The following CLVS2 variants were observed in gnomAD, a reference collection of about 807,000 sequenced individuals.
CLVS2 encodes the protein clavesin-2.
A neutral mutation model predicts 29.0 loss-of-function variants in CLVS2; 19 were observed. The ratio of observed to expected loss-of-function variants is 0.66; its 90% CI spans 0.46 to 0.96. The LOEUF is 0.96. Among genes scored for constraint, CLVS2 ranks in the 40% least tolerant of loss-of-function variants. The probability of loss-of-function intolerance (pLI) is 0.00; values close to 1 mark genes in which losing one functional copy is unlikely to be tolerated. For missense variants in CLVS2, 294 were observed against 404.1 expected, an observed-to-expected ratio of 0.73 and a Z score of 2.34; for synonymous variants, 161 against 151.3, an observed-to-expected ratio of 1.06 and a Z score of -0.47.
intron 1 of CLVS2, among the ~76,000 whole-genome samples, 197 bp downstream of exon 1, chr6:122,996,943 T>A (rs1344920132): frequency 6.9e-6 from 1 of 144,226 alleles, no homozygotes; most frequent in Non-Finnish European, 1.5e-5. Context: ...AATGAAGGGC[T>A]AGAGGAAGGC....
At position 123,024,869 on chromosome 6, in the gene CLVS2, C is replaced by T. The variant is rs1774978393; in HGVS notation, c.564+13710C>T. On this transcript the variant is annotated intron_variant, in intron 3 of 5. Coordinates refer to ENST00000275162, the MANE Select transcript of CLVS2 (RefSeq NM_001010852.4). ...GGAAGCTTTGGATATAATTATTAAG[C>T]CATGTGTTCCTAGGAGAAATATAAA... is the stretch of plus-strand genomic sequence containing the variant. Among the ~76,000 whole-genome samples, 4 of 152,060 alleles carry T rather than the reference C, an allele frequency of 2.6e-5. No individual in the cohort carries two copies. The South Asian group carries it at 8.3e-4, about 32-fold the overall frequency.
At chr6:123,020,789 AATTAT>A (rs768064034) in intron 3 of CLVS2, among the ~76,000 whole-genome samples, 8 of 152,088 alleles carry the variant, frequency 5.3e-5, no homozygotes, top group South Asian at 2.1e-4. Flanking sequence ...TTAGTCTATC[AATTAT>A]ATTATATACT....
rs572287463 is a variant in CLVS2, at chr6:123,009,399, A to G, written c.390-1586A>G. On this transcript the variant is annotated intron_variant, in intron 2 of 5. Transcript: ENST00000275162. ...GATTCTGTTCCAAACTGCTGATTTT[A>G]CAGGTGAAGAAATGAGGTCCTGAAA... Among the ~76,000 whole-genome samples the G allele has an allele frequency of 5.9e-5, 9 of 152,252 alleles. No individual in the cohort carries two copies. The South Asian group carries it at 1.9e-3, about 32-fold the overall frequency.
intron 2 of CLVS2, among the ~76,000 whole-genome samples, chr6:123,003,473 G>C (rs1285548823): frequency 1.3e-5 from 2 of 152,072 alleles, no homozygotes; most frequent in African/African-American, 4.8e-5. Flanking sequence ...TATAGTAAGT[G>C]GCTATTACAC....
At chr6:123,027,365 C>T (rs565140590) in intron 3 of CLVS2, among the ~76,000 whole-genome samples, 7 of 152,084 alleles carry the variant, frequency 4.6e-5, no homozygotes, top group Non-Finnish European at 5.9e-5. Flanking sequence ...TAGAGACTTT[C>T]GTAGCAAACC....
chr6:122,997,619 G>T lies in CLVS2; in HGVS notation c.-159G>T. 1 of 650,770 alleles carries T rather than the reference G, an allele frequency of 1.5e-6. No homozygotes were observed. 40.3% of individuals were successfully genotyped at this position (650,770 alleles called of 1,614,324 possible). ...TTGCTGGGGGAAAGCAGGAGCAACA[G>T]GGCACTTGATTGGACACCAAGATTA... On this transcript the variant is annotated 5_prime_UTR_variant, in exon 2 of 6. In the 5' UTR this introduces an upstream ATG that the reference lacks. Transcript: ENST00000275162.
chr6:123,024,390 A>G (rs1774968880), intron 3 of CLVS2, among the ~76,000 whole-genome samples: 1 of 152,172 alleles, frequency 6.6e-6, no homozygotes, highest in African/African-American at 2.4e-5. Flanking sequence ...AGAGATTTGT[A>G]TATACATGAT....
In CLVS2 at chr6:123,065,706, A is replaced by G. The variant is rs1772844017; in HGVS notation, c.*1945A>G. 6.6e-6 allele frequency: 1 copy of G among 151,802 alleles called. No homozygotes were observed. The allele number at this position is 151,802 out of a possible 1,614,324, so 9.4% of individuals were successfully genotyped here. On this transcript the variant is annotated 3_prime_UTR_variant, in exon 6 of 6. Transcript: ENST00000275162. ...TGTAGCCATGGGCTTTTTAGACTAT[A>G]TAAATCTTAGGCAGTATAATCCATT...
intron 3 of CLVS2, among the ~76,000 whole-genome samples, chr6:123,030,849 T>C (rs533971952): frequency 2.0e-4 from 29 of 147,822 alleles, no homozygotes; most frequent in Admixed American, 8.8e-4. Flanking sequence ...TATATATATA[T>C]ACACACACAT....
intron 3 of CLVS2, among the ~76,000 whole-genome samples, chr6:123,026,439 C>G (rs1489675875): frequency 6.6e-6 from 1 of 152,032 alleles, no homozygotes; most frequent in Non-Finnish European, 1.5e-5. Flanking sequence ...AGGTTAGTCT[C>G]TATTTCAAAA....
chr6:123,025,280 A>G (rs1774985687), intron 3 of CLVS2, among the ~76,000 whole-genome samples: 1 of 152,030 alleles, frequency 6.6e-6, no homozygotes, highest in African/African-American at 2.4e-5. Flanking sequence ...GAATAGGTGC[A>G]AAAAAATGAA....
intron 5 of CLVS2, among the ~76,000 whole-genome samples, chr6:123,060,438 T>G (rs1562176619): frequency 6.6e-6 from 1 of 152,200 alleles, no homozygotes; most frequent in Non-Finnish European, 1.5e-5. Flanking sequence ...ATATTGAATA[T>G]ATTATTATTG....
chr6:123,015,769 T>A (rs1001114449), intron 3 of CLVS2, among the ~76,000 whole-genome samples: 2 of 152,112 alleles, frequency 1.3e-5, no homozygotes, highest in African/African-American at 2.4e-5. Flanking sequence ...GTGAGCCATC[T>A]CTTTAAGTGA....
chr6:123,040,777 A>C (rs1775218211), intron 3 of CLVS2, among the ~76,000 whole-genome samples: 1 of 151,840 alleles, frequency 6.6e-6, no homozygotes, highest in South Asian at 2.1e-4. Context: ...CAAAAAAGAA[A>C]AGAAAAGAAA....
At chr6:123,049,804 T>TGGGGGG (rs531705671) in intron 4 of CLVS2, among the ~76,000 whole-genome samples, 55 of 118,898 alleles carry the variant, frequency 4.6e-4, no homozygotes, top group African/African-American at 5.2e-4. Flanking sequence ...TGTTGTGGGA[T>TGGGGGG]GGGGGGCGGG....
rs573078159 is a variant in CLVS2 at position 123,050,147 on chromosome 6, T to C, written c.675+1415T>C. Among the ~76,000 whole-genome samples the C allele has an allele frequency of 2.0e-5, 3 of 152,326 alleles. No individual in the cohort carries two copies. In the South Asian group the frequency reaches 6.2e-4, roughly 32 times the overall value. ...AAGAATTCTATAAACAATTATAATT[T>C]ATAGTAGAAATTGTTTCTACCACCA... On this transcript the variant is annotated intron_variant, in intron 4 of 5. Coordinates refer to ENST00000275162, the MANE Select transcript of CLVS2 (RefSeq NM_001010852.4).
intron 3 of CLVS2, among the ~76,000 whole-genome samples, chr6:123,016,050 T>G (rs1380683708): frequency 3.5e-5 from 3 of 86,694 alleles, no homozygotes; most frequent in Non-Finnish European, 5.1e-5. Context: ...TTTTTTTTTG[T>G]GGAAAGGGAG....
In CLVS2 at chr6:123,070,348, T is replaced by A. The variant is rs1189058226; in HGVS notation, c.*6587T>A. The A allele has an allele frequency of 6.6e-6, 1 of 151,958 alleles. No homozygotes were observed. Among genetic ancestry groups the A allele is most frequent in the African/African-American group, 2.4e-5 (1 of 41,420 alleles). The allele number at this position is 151,958 out of a possible 1,614,324, so 9.4% of individuals were successfully genotyped here. On this transcript the variant is annotated 3_prime_UTR_variant, in exon 6 of 6. Transcript: ENST00000275162. ...TTCCTTCCTCTTTTTCTTTCAAAAC[T>A]ACATCACATCAGCTAGCTCATGCTG...
In CLVS2 at chr6:122,998,171, A is replaced by G. The variant is rs1774539964; in HGVS notation, c.389+5A>G. On this transcript the variant is annotated splice_donor_5th_base_variant and intron_variant, in intron 2 of 5. Transcript: ENST00000275162. ...TGCCAATTGGGATCAGAGCAGGTAAATCCTAAATCCAAACTTGTATTCTCC... is the reference window on the plus strand; with the variant it reads ...TGCCAATTGGGATCAGAGCAGGTAAGTCCTAAATCCAAACTTGTATTCTCC... 1.2e-6 allele frequency: 2 copies of G among 1,606,692 alleles called. No homozygotes were observed. Among genetic ancestry groups the G allele is most frequent in the Non-Finnish European group, 1.7e-6 (2 of 1,178,868 alleles).
Sources: allele counts gnomAD v4.1 joint callset (sites outside exome capture counted in the v4.1 genomes callset), GRCh38; gene constraint gnomAD v4.1.1; transcripts MANE v1.5; gene names NCBI Gene and HGNC (gene_info 2026-07-23, HGNC 2026-07-21).